The following ERBB4 variants were observed in gnomAD, a reference collection of about 807,000 sequenced individuals.
ERBB4 encodes the protein erb-b2 receptor tyrosine kinase 4, also known as receptor tyrosine-protein kinase erbB-4.
A neutral mutation model predicts 158.0 loss-of-function variants in ERBB4; 42 were observed. The observed-to-expected ratio is 0.27, with a 90% CI of 0.21 to 0.34. The LOEUF is 0.34. ERBB4 is among the 10% of genes least tolerant of loss of function. The pLI, the probability that ERBB4 is intolerant of heterozygous loss-of-function variation, is 1.00. For synonymous variants in ERBB4, 583 were observed against 558.7 expected (o/e 1.04, Z -0.61); for missense variants, 1,333 against 1,624.1 (o/e 0.82, Z 3.08).
chr2:212,322,321 T>C (rs1277093840), intron 1 of ERBB4, among the ~76,000 whole-genome samples: 2 of 150,056 alleles, frequency 1.3e-5, no homozygotes, highest in African/African-American at 4.9e-5. Flanking sequence ...TCTTAAACAA[T>C]GCTGCTGTGA....
intron 2 of ERBB4, among the ~76,000 whole-genome samples, chr2:212,084,332 T>C (rs931385900): frequency 1.3e-5 from 2 of 151,904 alleles, no homozygotes; most frequent in African/African-American, 4.8e-5. Flanking sequence ...ACCCATGGAG[T>C]GCATCAGACA....
chr2:212,047,031 T>C (rs751259343), intron 2 of ERBB4, among the ~76,000 whole-genome samples: 4 of 152,214 alleles, frequency 2.6e-5, no homozygotes, highest in African/African-American at 9.6e-5. Context: ...AAAGGATATA[T>C]TTTTGGGTTC....
rs1317408332 is a variant in ERBB4 at position 211,712,062 on chromosome 2, G to T, written c.1112C>A (p.Thr371Asn). 6.2e-7 allele frequency: 1 copy of T among 1,611,990 alleles called. No homozygotes were observed. The highest frequency in any genetic ancestry group is 1.1e-5 in the South Asian group (1 of 91,026). ...KINGNLIFLV[T>N]GIHGDPYNAI... ...ATTTAATACTGACCCATGAATACCA[G>T]TGACTAGAAAGATCAAATTCCCATT... The change falls in exon 9 of 28, where the codon ACT (threonine) becomes AAT (asparagine). Residue 371 changes from threonine to asparagine, a missense_variant. This residue lies in a region of ERBB4 where 438 missense variants were observed against 586.9 expected (regional missense o/e 0.75). Coordinates refer to ENST00000342788, the MANE Select transcript of ERBB4 (RefSeq NM_005235.3).
chr2:211,927,739 T>C (rs1172271575), intron 3 of ERBB4, among the ~76,000 whole-genome samples: 2 of 152,050 alleles, frequency 1.3e-5, no homozygotes, highest in Non-Finnish European at 2.9e-5. Context: ...ATTTTTCCCA[T>C]ATAGAGCTCA....
chr2:212,302,284 G>T (rs773552064), intron 1 of ERBB4, among the ~76,000 whole-genome samples: 1 of 151,266 alleles, frequency 6.6e-6, no homozygotes, highest in African/African-American at 2.4e-5. Flanking sequence ...TCTCTCCCTG[G>T]AGTTATTAGA....
intron 20 of ERBB4, among the ~76,000 whole-genome samples, chr2:211,437,364 A>C (rs933976879): frequency 6.6e-6 from 1 of 152,214 alleles, no homozygotes; most frequent in Non-Finnish European, 1.5e-5. Context: ...TTAGAATTGA[A>C]TTTAACATTT....
At chr2:211,961,218 G>A (rs1276647833) in intron 2 of ERBB4, among the ~76,000 whole-genome samples, 1 of 151,940 alleles carries the variant, frequency 6.6e-6, no homozygotes, top group African/African-American at 2.4e-5. Flanking sequence ...TTCCTGCATT[G>A]GTGTGTACCA....
intron 20 of ERBB4, among the ~76,000 whole-genome samples, chr2:211,531,031 T>G (rs986091032): frequency 3.3e-5 from 5 of 152,112 alleles, no homozygotes; most frequent in Non-Finnish European, 5.9e-5. Context: ...TAAACTCATT[T>G]TTGACAAAGG....
intron 4 of ERBB4, among the ~76,000 whole-genome samples, chr2:211,772,808 G>GATATATATATATATATATATATATACAC: frequency 2.6e-5 from 1 of 37,746 alleles, no homozygotes; most frequent in South Asian, 1.3e-3. Context: ...ACCATACTGG[G>GATATATATATATATATATATATATACAC]ATATATATAT....
intron 1 of ERBB4, among the ~76,000 whole-genome samples, chr2:212,379,302 C>G (rs2090427346): frequency 6.6e-6 from 1 of 151,670 alleles, no homozygotes; most frequent in African/African-American, 2.4e-5. Context: ...CATTTGCACA[C>G]AGCAACAAAG....
chr2:211,428,865 C>T (rs964095932), intron 21 of ERBB4, among the ~76,000 whole-genome samples: 3 of 151,920 alleles, frequency 2.0e-5, no homozygotes, highest in East Asian at 1.9e-4. Flanking sequence ...CACAGGGGTG[C>T]GCCACCATGC....
At chr2:212,217,503 G>A (rs1353025809) in intron 1 of ERBB4, among the ~76,000 whole-genome samples, 1 of 151,228 alleles carries the variant, frequency 6.6e-6, no homozygotes, top group East Asian at 1.9e-4. Flanking sequence ...AAGGAGACAT[G>A]GAGAGAATTT....
chr2:211,474,034 G>T (rs1266764345), intron 20 of ERBB4, among the ~76,000 whole-genome samples: 3 of 151,896 alleles, frequency 2.0e-5, no homozygotes, highest in Non-Finnish European at 4.4e-5. Flanking sequence ...AAAGGGTGCA[G>T]CTGGCTTTCT....
At chr2:211,701,094 A>G (rs929989326) in intron 12 of ERBB4, among the ~76,000 whole-genome samples, 1 of 152,200 alleles carries the variant, frequency 6.6e-6, no homozygotes, top group African/African-American at 2.4e-5. Flanking sequence ...TTCAGAGTAA[A>G]TAAGAAATTA....
chr2:211,785,459 G>T (rs190087580), intron 4 of ERBB4, among the ~76,000 whole-genome samples: 26 of 151,994 alleles, frequency 1.7e-4, no homozygotes, highest in Middle Eastern at 3.4e-3. Context: ...TTTGCTGTTG[G>T]TGTTTTTGGT....
At chr2:212,051,935 T>C (rs1447236858) in intron 2 of ERBB4, among the ~76,000 whole-genome samples, 2 of 152,148 alleles carry the variant, frequency 1.3e-5, no homozygotes, top group Non-Finnish European at 1.5e-5. Context: ...TTAACACTTA[T>C]ATAATTTGTG....
chr2:211,508,519 C>T (rs1480577190), intron 20 of ERBB4, among the ~76,000 whole-genome samples: 3 of 152,140 alleles, frequency 2.0e-5, no homozygotes, highest in African/African-American at 7.2e-5. Context: ...TGCTTTTACA[C>T]TACTGGTGGG....
At chr2:211,408,233 T>C (rs181349991) in intron 25 of ERBB4, among the ~76,000 whole-genome samples, 2 of 152,314 alleles carry the variant, frequency 1.3e-5, no homozygotes, top group Admixed American at 6.5e-5. Flanking sequence ...CAGTAAAGAA[T>C]AGGCTTCTTG....
intron 1 of ERBB4, among the ~76,000 whole-genome samples, chr2:212,173,115 A>G (rs1195203095): frequency 6.6e-6 from 1 of 152,210 alleles, no homozygotes; most frequent in Admixed American, 6.6e-5. Context: ...TAATTTCTTA[A>G]AAAACTTAAT....
Sources: allele counts gnomAD v4.1 joint callset (sites outside exome capture counted in the v4.1 genomes callset), GRCh38; gene constraint gnomAD v4.1.1; regional missense constraint gnomAD v4.1.1; transcripts MANE v1.5; gene names NCBI Gene and HGNC (gene_info 2026-07-23, HGNC 2026-07-21).